The following VAMP7 variants were observed in gnomAD, a reference collection of about 807,000 sequenced individuals.
VAMP7 encodes vesicle associated membrane protein 7.
VAMP7 carries 14 observed loss-of-function variants against 29.6 expected under a neutral mutation model. That is an observed-to-expected ratio of 0.47 (90% CI 0.31 to 0.74). The LOEUF (loss-of-function observed/expected upper bound fraction) is 0.74, where lower values mean the gene tolerates loss of function less well. VAMP7 is among the 30% of genes least tolerant of loss of function. The pLI, the probability that VAMP7 is intolerant of heterozygous loss-of-function variation, is 0.05. For synonymous variants in VAMP7, 95 were observed against 88.1 expected, an observed-to-expected ratio of 1.08 and a Z score of -0.44; for missense variants, 223 against 262.4, an observed-to-expected ratio of 0.85 and a Z score of 1.04.
At chrX:155,887,134 T>A (rs1442947182) in intron 1 of VAMP7, among the ~76,000 whole-genome samples, 1 of 152,240 alleles carries the variant, frequency 6.6e-6, no homozygotes. Flanking sequence ...ACCACACTTT[T>A]GGCTTTCCCA....
intron 6 of VAMP7, among the ~76,000 whole-genome samples, chrX:155,936,918 A>C (rs1001638915): frequency 6.6e-6 from 1 of 152,202 alleles, no homozygotes; most frequent in Admixed American, 6.5e-5. Context: ...GGATGTAATA[A>C]TGTGCACACT....
At position 155,912,230 on chromosome X, in the gene VAMP7, A is replaced by G. The variant is rs1218280844; in HGVS notation, c.434-7583A>G. On this transcript the variant is annotated intron_variant, in intron 5 of 7. Coordinates refer to ENST00000286448, the MANE Select transcript of VAMP7 (RefSeq NM_005638.6). ...TTTTTTTTGATACCTTGAACTATAT[A>G]TTTTTATTTGAATATATAAAAGTAG... Among the ~76,000 whole-genome samples, 9 of 152,084 alleles carry G rather than the reference A, an allele frequency of 5.9e-5. No individual in the cohort carries two copies. The South Asian group carries it at 1.7e-3, about 28-fold the overall frequency.
intron 4 of VAMP7, among the ~76,000 whole-genome samples, chrX:155,898,633 C>T (rs2066018739): frequency 6.6e-6 from 1 of 152,008 alleles, no homozygotes; most frequent in East Asian, 1.9e-4. Context: ...ATTTGAAACT[C>T]TCCTCATCTG....
At chrX:155,892,967 G>A (rs2065943064) in intron 2 of VAMP7, among the ~76,000 whole-genome samples, 1 of 151,876 alleles carries the variant, frequency 6.6e-6, no homozygotes, top group South Asian at 2.1e-4. Context: ...TGGCCAGGCA[G>A]GTCTCGAACT....
chrX:155,922,348 G>C (rs988615248), intron 6 of VAMP7, among the ~76,000 whole-genome samples: 1 of 151,946 alleles, frequency 6.6e-6, no homozygotes. Flanking sequence ...AATAAATTCA[G>C]TGTTAAGTTT....
rs760942009 is a variant in VAMP7 at position 155,939,869 on chromosome X, T to C, written c.594+76T>C. 53 of 1,191,896 alleles carry C rather than the reference T, an allele frequency of 4.4e-5. No individual in the cohort carries two copies. In the South Asian group the frequency reaches 6.0e-4, roughly 13 times the overall value. The allele number at this position is 1,191,896 out of a possible 1,614,324, so 73.8% of individuals were successfully genotyped here. On this transcript the variant is annotated intron_variant, in intron 7 of 7. Coordinates refer to ENST00000286448, the MANE Select transcript of VAMP7 (RefSeq NM_005638.6). ...ATTAGGTACTAGAATTATTTCTCAA[T>C]GATTAACACTCTGAAATGAGCTACA...
intron 1 of VAMP7, among the ~76,000 whole-genome samples, chrX:155,884,683 G>C (rs751388308): frequency 6.8e-4 from 103 of 152,308 alleles, no homozygotes; most frequent in African/African-American, 2.4e-3. Flanking sequence ...ACTGAATTGT[G>C]TGCCATTGCT....
intron 6 of VAMP7, among the ~76,000 whole-genome samples, chrX:155,938,004 C>T (rs917412573): frequency 6.6e-6 from 1 of 152,110 alleles, no homozygotes; most frequent in African/African-American, 2.4e-5. Context: ...AAAAATTATG[C>T]CATTTTATTA....
At chrX:155,919,750 A>G in intron 5 of VAMP7, 63 bp from the exon 6 acceptor site, 2 of 1,475,060 alleles carry the variant, frequency 1.4e-6, no homozygotes, top group Non-Finnish European at 1.9e-6. Flanking sequence ...TACTTTTTTA[A>G]AAAAAGTTTA....
intron 5 of VAMP7, among the ~76,000 whole-genome samples, chrX:155,911,585 A>G (rs1223607021): frequency 6.6e-6 from 1 of 152,128 alleles, no homozygotes. Flanking sequence ...ATCCATGACC[A>G]TAAGATGTCT....
At chrX:155,941,167 TAAATA>T (rs1040920284) in intron 7 of VAMP7, among the ~76,000 whole-genome samples, 14 of 151,824 alleles carry the variant, frequency 9.2e-5, no homozygotes, top group East Asian at 1.9e-4. Context: ...AAATAAAAAA[TAAATA>T]AAATAAAGTG....
At chrX:155,916,633 A>G (rs2066317937) in intron 5 of VAMP7, among the ~76,000 whole-genome samples, 1 of 152,162 alleles carries the variant, frequency 6.6e-6, no homozygotes, top group Non-Finnish European at 1.5e-5. Context: ...TTGGTTGGAT[A>G]TGAAATTCTG....
At chrX:155,927,481 C>CAAAAAAAA (rs531998416) in intron 6 of VAMP7, among the ~76,000 whole-genome samples, 1 of 111,630 alleles carries the variant, frequency 9.0e-6, no homozygotes, top group African/African-American at 3.3e-5. Context: ...TTCGATTTGC[C>CAAAAAAAA]AAAAAAAAAA....
chrX:155,939,837 C>G (rs760532209), intron 7 of VAMP7, 44 bp downstream of exon 7: 2 of 1,437,382 alleles, frequency 1.4e-6, no homozygotes, highest in South Asian at 1.1e-5. Flanking sequence ...TTTTCAATCT[C>G]TAAGAAATTA....
chrX:155,895,655 T>C lies in VAMP7; in HGVS notation c.179T>C (p.Ile60Thr), dbSNP rs1338300950. The C allele has an allele frequency of 1.1e-5, 18 of 1,610,222 alleles. No individual in the cohort carries two copies. The highest frequency in any genetic ancestry group is 1.5e-5 in the Non-Finnish European group (18 of 1,176,712). Residue 60 changes from isoleucine (I) to threonine (T), a missense_variant, in exon 3 of 8, where the codon ATT (isoleucine) becomes ACT (threonine). Transcript: ENST00000286448. ...YLFHYICQDR[I>T]VYLCITDDDF... ...TTTCATTACATCTGCCAAGACAGGA[T>C]TGTATATCTTTGTATCACTGATGAT...
At chrX:155,932,775 A>G (rs1310069026) in intron 6 of VAMP7, among the ~76,000 whole-genome samples, 3 of 152,050 alleles carry the variant, frequency 2.0e-5, no homozygotes, top group Non-Finnish European at 2.9e-5. Context: ...GGGCATCCCT[A>G]TCTTGTGCCA....
chrX:155,941,494 C>T (rs1198084926), intron 7 of VAMP7, among the ~76,000 whole-genome samples: 3 of 152,018 alleles, frequency 2.0e-5, no homozygotes, highest in South Asian at 2.1e-4. Flanking sequence ...AATTCATGTG[C>T]AAAACCTAAA....
At chrX:155,884,496 C>G (rs1227297006) in intron 1 of VAMP7, among the ~76,000 whole-genome samples, 1 of 152,116 alleles carries the variant, frequency 6.6e-6, no homozygotes, top group Admixed American at 6.5e-5. Flanking sequence ...CAAATTTTGT[C>G]TTTATAACTG....
chrX:155,914,678 A>G (rs1378387307), intron 5 of VAMP7, among the ~76,000 whole-genome samples: 1 of 152,134 alleles, frequency 6.6e-6, no homozygotes, highest in Non-Finnish European at 1.5e-5. Flanking sequence ...TGATTTGCGT[A>G]TGTTGAACCA....
Sources: allele counts gnomAD v4.1 joint callset (sites outside exome capture counted in the v4.1 genomes callset), GRCh38; gene constraint gnomAD v4.1.1; transcripts MANE v1.5; gene names NCBI Gene and HGNC (gene_info 2026-07-23, HGNC 2026-07-21).